The following ZC3H13 variants were observed in gnomAD, a reference collection of about 807,000 sequenced individuals.
The protein encoded by ZC3H13 is zinc finger CCCH domain-containing protein 13.
Under a neutral mutation model 204.1 loss-of-function variants are expected in ZC3H13, and 64 were observed. That is an observed-to-expected ratio of 0.31 (90% CI 0.26 to 0.39). The LOEUF (loss-of-function observed/expected upper bound fraction) is 0.39, where lower values mean the gene tolerates loss of function less well. ZC3H13 is among the 10% of genes least tolerant of loss of function. ZC3H13 has a pLI of 1.00. For missense variants in ZC3H13, 1,833 were observed against 2,082.7 expected, an observed-to-expected ratio of 0.88 and a Z score of 2.33; for synonymous variants, 667 against 693.7, an observed-to-expected ratio of 0.96 and a Z score of 0.60.
At position 45,963,989 on chromosome 13, in the gene ZC3H13, T is replaced by C; in HGVS notation, c.4528A>G (p.Lys1510Glu). Reference sequence around the variant, plus strand: ...GCAGCCCCAGGCTCTCGTGGTTCTTTTGGATGCTTTGGCATAAGACCAGAC... The same window carrying C: ...GCAGCCCCAGGCTCTCGTGGTTCTTCTGGATGCTTTGGCATAAGACCAGAC... ...DWSGLMPKHP[K>E]EPREPGAALL... The change falls in exon 17 of 19, where the codon AAA becomes GAA. Residue 1510 changes from lysine to glutamate, a missense_variant. Lys to Glu is a moderately conservative substitution (Grantham distance 56). Coordinates refer to ENST00000679008, the MANE Select transcript of ZC3H13 (RefSeq NM_001330564.2). The C allele has an allele frequency of 6.2e-7, 1 of 1,614,154 alleles. No individual in the cohort carries two copies. The highest frequency in any genetic ancestry group is 8.5e-7 in the Non-Finnish European group (1 of 1,179,994).
At chr13:45,981,017 A>G (rs1220821522) in intron 10 of ZC3H13, among the ~76,000 whole-genome samples, 1 of 152,222 alleles carries the variant, frequency 6.6e-6, no homozygotes, top group Non-Finnish European at 1.5e-5. Flanking sequence ...AAGGATAAAC[A>G]AAGTTTCCCT....
intron 4 of ZC3H13, among the ~76,000 whole-genome samples, chr13:46,041,548 A>G (rs118166531): frequency 0.034 from 5,163 of 152,258 alleles, 105 homozygotes; most frequent in Non-Finnish European, 0.043. Flanking sequence ...ACTTTTAATG[A>G]GTGAACTGTA....
At chr13:45,970,915 G>C (rs1243363583) in intron 12 of ZC3H13, among the ~76,000 whole-genome samples, 1 of 152,094 alleles carries the variant, frequency 6.6e-6, no homozygotes, top group Non-Finnish European at 1.5e-5. Flanking sequence ...AACTACATTA[G>C]TTATTACGCA....
intron 1 of ZC3H13, among the ~76,000 whole-genome samples, chr13:46,048,529 C>A (rs538369502): frequency 9.4e-4 from 119 of 126,012 alleles, no homozygotes; most frequent in African/African-American, 3.5e-3. Flanking sequence ...TGCAGTGAGC[C>A]GAGATTGCGC....
intron 4 of ZC3H13, among the ~76,000 whole-genome samples, chr13:46,035,106 T>G (rs1265685600): frequency 6.6e-6 from 1 of 152,172 alleles, no homozygotes; most frequent in African/African-American, 2.4e-5. Context: ...AGTGTGCATG[T>G]GTCTCAGAAT....
At chr13:46,046,400 T>C (rs1003614826) in intron 1 of ZC3H13, among the ~76,000 whole-genome samples, 2 of 151,514 alleles carry the variant, frequency 1.3e-5, no homozygotes, top group Non-Finnish European at 2.9e-5. Context: ...GGCTCGTGCC[T>C]GTAATCCCAG....
At chr13:46,049,799 T>C (rs2044272912) in intron 1 of ZC3H13, among the ~76,000 whole-genome samples, 1 of 152,116 alleles carries the variant, frequency 6.6e-6, no homozygotes, top group South Asian at 2.1e-4. Context: ...TGCTTCAAAG[T>C]ATATGAGAAA....
At chr13:46,024,037 G>A (rs545041119) in intron 4 of ZC3H13, among the ~76,000 whole-genome samples, 2 of 152,332 alleles carry the variant, frequency 1.3e-5, no homozygotes, top group South Asian at 4.1e-4. Flanking sequence ...TTAGCAAGGA[G>A]AATGGGATTA....
At position 46,033,904 on chromosome 13, in the gene ZC3H13, T is replaced by C. The variant is rs993985747; in HGVS notation, c.339+8260A>G. ...AGGCAGGCTGCACACTGGGAAAACG[T>C]ATTTGCAATACATATATCTCACAAA... On this transcript the variant is annotated intron_variant, in intron 4 of 18. Transcript: ENST00000679008. Among the ~76,000 whole-genome samples the C allele has an allele frequency of 1.3e-5, 2 of 152,112 alleles. 1 individual carries two copies. The highest frequency in any genetic ancestry group is 4.1e-4 in the South Asian group (2 of 4,828).
In ZC3H13 at chr13:46,010,374, T is replaced by C. The variant is rs370875749; in HGVS notation, c.720A>G (p.Val240=). Residue 240 remains valine (V), a synonymous_variant, in exon 7 of 19, where the codon GTA becomes GTG. Coordinates refer to ENST00000679008, the MANE Select transcript of ZC3H13 (RefSeq NM_001330564.2). ...ASKKDRKTSA[V]SSPLLDQQRN... ...TCTGCTGGTCCAACAGGGGAGAAGA[T>C]ACTGCAGATGTCTTCCTATCTTTCT... 6.2e-7 allele frequency: 1 copy of C among 1,613,460 alleles called. No homozygotes were observed. The highest frequency in any genetic ancestry group is 8.5e-7 in the Non-Finnish European group (1 of 1,179,466).
intron 4 of ZC3H13, among the ~76,000 whole-genome samples, chr13:46,027,013 G>A (rs932532157): frequency 6.6e-6 from 1 of 152,112 alleles, no homozygotes; most frequent in Non-Finnish European, 1.5e-5. Flanking sequence ...CAAGAAAAAA[G>A]GGAGAAAGCA....
At chr13:45,995,941 A>G (rs1484854488) in intron 8 of ZC3H13, among the ~76,000 whole-genome samples, 1 of 152,214 alleles carries the variant, frequency 6.6e-6, no homozygotes, top group African/African-American at 2.4e-5. Context: ...TTAGTTAGCT[A>G]TGCTCTGAGT....
intron 16 of ZC3H13, among the ~76,000 whole-genome samples, chr13:45,964,894 T>C (rs531055502): frequency 1.9e-4 from 29 of 152,310 alleles, no homozygotes; most frequent in African/African-American, 7.0e-4. Flanking sequence ...CTGTAAATTT[T>C]TGACAGGTTG....
chr13:45,965,484 G>A (rs1332311065), intron 15 of ZC3H13, 52 bp from the exon 16 acceptor site: 3 of 1,588,026 alleles, frequency 1.9e-6, no homozygotes, highest in Non-Finnish European at 2.6e-6. Flanking sequence ...GGGAGAGGAT[G>A]ACTAAGTCAA....
Position 46,052,710 on chromosome 13 carries a change from A to C in ZC3H13, c.-316T>G, listed in dbSNP as rs1201216477. 4 of 398,468 alleles carry C rather than the reference A, an allele frequency of 1.0e-5. No individual in the cohort carries two copies. The highest frequency in any genetic ancestry group is 1.8e-5 in the Non-Finnish European group (4 of 226,016). The allele number at this position is 398,468 out of a possible 1,614,324, so 24.7% of individuals were successfully genotyped here. ...ACAAAAACACTACCAGGCCGCTAGGAGGACCGCCTCAAAATGCCGCCGGAA... is the reference window on the plus strand; with the variant it reads ...ACAAAAACACTACCAGGCCGCTAGGCGGACCGCCTCAAAATGCCGCCGGAA... On this transcript the variant is annotated 5_prime_UTR_variant, in exon 1 of 19. Coordinates refer to ENST00000679008, the MANE Select transcript of ZC3H13 (RefSeq NM_001330564.2).
intron 10 of ZC3H13, among the ~76,000 whole-genome samples, chr13:45,980,870 C>T (rs1397995277): frequency 6.6e-6 from 1 of 152,132 alleles, no homozygotes; most frequent in East Asian, 1.9e-4. Context: ...CAAAAAGCTA[C>T]ATACAGACAT....
chr13:45,958,663 T>G (rs898416827), intron 18 of ZC3H13, among the ~76,000 whole-genome samples: 3 of 148,984 alleles, frequency 2.0e-5, no homozygotes, highest in Admixed American at 6.7e-5. Context: ...TTTTTTTTTT[T>G]TTTTTTTTTT....
At chr13:46,016,881 G>C (rs563837858) in intron 5 of ZC3H13, among the ~76,000 whole-genome samples, 1 of 152,094 alleles carries the variant, frequency 6.6e-6, no homozygotes, top group South Asian at 2.1e-4. Flanking sequence ...TTAAGAACTA[G>C]AATATTAGTA....
At chr13:46,038,937 G>A (rs915243124) in intron 4 of ZC3H13, among the ~76,000 whole-genome samples, 5 of 152,090 alleles carry the variant, frequency 3.3e-5, no homozygotes, top group East Asian at 1.9e-4. Context: ...CTGGAGAATC[G>A]CTTGAACCTA....
Sources: allele counts gnomAD v4.1 joint callset (sites outside exome capture counted in the v4.1 genomes callset), GRCh38; gene constraint gnomAD v4.1.1; transcripts MANE v1.5; gene names NCBI Gene and HGNC (gene_info 2026-07-23, HGNC 2026-07-21).